Variants in GRIK5 observed in about 807,000 individuals in gnomAD.
GRIK5 encodes glutamate receptor ionotropic, kainate 5.
In GRIK5, 43 loss-of-function variants were observed where a neutral mutation model predicts 97.4. The observed-to-expected ratio is 0.44, with a 90% confidence interval of 0.35 to 0.57. The LOEUF (loss-of-function observed/expected upper bound fraction) is 0.57. Ranked by LOEUF, GRIK5 falls within the 20% of genes least tolerant of loss-of-function variation. The probability of loss-of-function intolerance (pLI) is 0.01; values close to 1 mark genes in which losing one functional copy is unlikely to be tolerated. For synonymous variants in GRIK5, 580 were observed against 583.5 expected (o/e 0.99, Z 0.09); for missense variants, 1,015 against 1,382.0 (o/e 0.73, Z 4.21).
Position 42,070,131 on chromosome 19 carries a change from G to GCCAC in GRIK5, c.-945_-942dup, listed in dbSNP as rs1421990666. Among the ~76,000 whole-genome samples, 1 of 152,008 alleles carries GCCAC rather than the reference G, an allele frequency of 6.6e-6. No individual in the cohort carries two copies. Among genetic ancestry groups the GCCAC allele is most frequent in the Non-Finnish European group, 1.5e-5 (1 of 67,970 alleles). Reference sequence around the variant, plus strand: ...GCCTGCCTCCCTGCCGCTGGCTGCCGCCACCGCTCAGTCTCCCCTCCGAGG... The same window carrying GCCAC: ...GCCTGCCTCCCTGCCGCTGGCTGCCGCCACCCACCGCTCAGTCTCCCCTCCGAGG... On this transcript the variant is annotated 5_prime_UTR_variant, in exon 1 of 20. Transcript: ENST00000593562.
intron 11 of GRIK5, among the ~76,000 whole-genome samples, chr19:42,050,092 G>C (rs1396942340): frequency 3.1e-4 from 47 of 152,100 alleles, no homozygotes; most frequent in Non-Finnish European, 5.3e-4. Context: ...ACCACGCCCA[G>C]CTAATTTTTG....
chr19:42,002,018 T>G lies in GRIK5; in HGVS notation c.2514+1314A>C. 2 of 624,632 alleles carry G rather than the reference T, an allele frequency of 3.2e-6. No homozygotes were observed. Among genetic ancestry groups the G allele is most frequent in the East Asian group, 2.7e-5 (1 of 36,478 alleles). The allele number at this position is 624,632 out of a possible 1,614,324, so 38.7% of individuals were successfully genotyped here. Reference sequence around the variant, plus strand: ...GCCTGGGAAGGAGTGACCGGAGAAGTGGGAGAAGGGGAAGAAGGGGCTTTG... The same window carrying G: ...GCCTGGGAAGGAGTGACCGGAGAAGGGGGAGAAGGGGAAGAAGGGGCTTTG... On this transcript the variant is annotated intron_variant, in intron 19 of 19. Coordinates refer to ENST00000593562, the MANE Select transcript of GRIK5 (RefSeq NM_002088.5). The surrounding 1 kb of genome is among the most constrained non-coding windows in gnomAD (Gnocchi z 5.2).
chr19:42,040,468 C>G (rs1033889611), intron 12 of GRIK5, among the ~76,000 whole-genome samples: 3 of 152,224 alleles, frequency 2.0e-5, no homozygotes, highest in Admixed American at 6.5e-5. Context: ...AAACAGGTCA[C>G]GAGGAAGCCT....
At chr19:42,056,153 T>G (rs979472843) in intron 8 of GRIK5, among the ~76,000 whole-genome samples, 2 of 151,956 alleles carry the variant, frequency 1.3e-5, no homozygotes, top group South Asian at 4.2e-4. Flanking sequence ...CCCAGCTAAT[T>G]TTTGTACTTT....
Position 42,065,503 on chromosome 19 carries a change from A to C in GRIK5, c.80-116T>G, listed in dbSNP as rs2146188077. On this transcript the variant is annotated intron_variant, in intron 2 of 19. Coordinates refer to ENST00000593562, the MANE Select transcript of GRIK5 (RefSeq NM_002088.5). This position sits in a 1 kb window ranked among gnomAD's most constrained non-coding sequence, Gnocchi z 5.8. ...GGGTATACGGACCAGGGGTCTAGAC[A>C]CCTGGATCTGAGGTTGGTGGGAGCT... 3.6e-6 allele frequency: 4 copies of C among 1,114,696 alleles called. No homozygotes were observed. The highest frequency in any genetic ancestry group is 3.8e-6 in the Non-Finnish European group (3 of 792,526). The allele number at this position is 1,114,696 out of a possible 1,614,324, so 69.1% of individuals were successfully genotyped here. A position where few individuals can be genotyped will look rare whatever the true frequency, so the allele number is the denominator to read the frequency against.
In GRIK5 at chr19:41,998,984, C is replaced by A. The variant is rs1432915592; in HGVS notation, c.2830G>T (p.Ala944Ser). Residue 944 changes from alanine to serine, a missense_variant, in exon 20 of 20, where the codon GCC becomes TCC. By Grantham distance (99) the Ala-to-Ser change is moderately conservative (BLOSUM62 1). Transcript: ENST00000593562. The stretch of plus-strand genomic sequence containing the variant: ...CGCGGAGGCGCGCCGGCCCCCGAGG[C>A]CCGCAGCGCCTGGATGCGCCGGCAC... ...QECRRIQALR[A>S]SGAGAPPRGL... 6.7e-6 allele frequency: 8 copies of A among 1,201,686 alleles called. No individual in the cohort carries two copies. The highest frequency in any genetic ancestry group is 8.3e-6 in the Non-Finnish European group (8 of 961,784). The allele number at this position is 1,201,686 out of a possible 1,614,324, so 74.4% of individuals were successfully genotyped here.
chr19:42,006,528 C>T lies in GRIK5; in HGVS notation c.2037+117G>A, dbSNP rs2075493455. On this transcript the variant is annotated intron_variant, in intron 16 of 19. Transcript: ENST00000593562. This position sits in a 1 kb window ranked among gnomAD's most constrained non-coding sequence, Gnocchi z 5.3. ...TGTGTGTTTTCTGCTCCCCAGCCTCCAGGCTGTCACTGACAATCAGTCCCT... is the reference window on the plus strand; with the variant it reads ...TGTGTGTTTTCTGCTCCCCAGCCTCTAGGCTGTCACTGACAATCAGTCCCT... 1.0e-5 allele frequency: 9 copies of T among 876,446 alleles called. No individual in the cohort carries two copies. In the East Asian group the frequency reaches 2.4e-4, roughly 23 times the overall value. The allele number at this position is 876,446 out of a possible 1,614,324, so 54.3% of individuals were successfully genotyped here.
intron 11 of GRIK5, among the ~76,000 whole-genome samples, chr19:42,049,263 C>T (rs1281454697): frequency 7.2e-5 from 11 of 152,094 alleles, no homozygotes; most frequent in African/African-American, 2.4e-4. Context: ...TTTTACAATA[C>T]GTGATAAAGC....
intron 17 of GRIK5, among the ~76,000 whole-genome samples, chr19:42,005,237 CA>C (rs56825931): frequency 6.1e-4 from 54 of 88,710 alleles, no homozygotes; most frequent in Admixed American, 1.4e-3. Context: ...GACTCCGTCT[CA>C]AAAAAAAAAA....
In GRIK5 at chr19:42,070,174, G is replaced by T. The variant is rs2076404565; in HGVS notation, c.-984C>A. ...CTCCGAGGCCGCCGCCTGCCTGCCCGCCTGCCGCCTGCGCTGGGTCCTGGA... is the reference window on the plus strand; with the variant it reads ...CTCCGAGGCCGCCGCCTGCCTGCCCTCCTGCCGCCTGCGCTGGGTCCTGGA... On this transcript the variant is annotated 5_prime_UTR_variant, in exon 1 of 20. Coordinates refer to ENST00000593562, the MANE Select transcript of GRIK5 (RefSeq NM_002088.5). Among the ~76,000 whole-genome samples, 1 of 152,034 alleles carries T rather than the reference G, an allele frequency of 6.6e-6. No homozygotes were observed. Among genetic ancestry groups the T allele is most frequent in the Non-Finnish European group, 1.5e-5 (1 of 67,972 alleles).
rs1568876459 is a variant in GRIK5, at chr19:42,002,032, G to GA, written c.2514+1299dup. 1.6e-6 allele frequency: 1 copy of GA among 639,726 alleles called. No individual in the cohort carries two copies. Among genetic ancestry groups the GA allele is most frequent in the Non-Finnish European group, 2.9e-6 (1 of 350,672 alleles). 39.6% of individuals were successfully genotyped at this position (639,726 alleles called of 1,614,324 possible). A position where few individuals can be genotyped will look rare whatever the true frequency, so the allele number is the denominator to read the frequency against. On this transcript the variant is annotated intron_variant, in intron 19 of 19. Transcript: ENST00000593562. This position sits in a 1 kb window ranked among gnomAD's most constrained non-coding sequence, Gnocchi z 5.2. ...GACCGGAGAAGTGGGAGAAGGGGAA[G>GA]AAGGGGCTTTGAGGATTGAGAGTGA...
chr19:42,059,954 G>A (rs913489067), intron 5 of GRIK5, among the ~76,000 whole-genome samples: 9 of 151,902 alleles, frequency 5.9e-5, no homozygotes, highest in Admixed American at 3.9e-4. Context: ...CCCTCACGCC[G>A]TGCCACTGTC....
intron 15 of GRIK5, among the ~76,000 whole-genome samples, chr19:42,013,511 G>A (rs947626612): frequency 6.8e-6 from 1 of 148,066 alleles, no homozygotes; most frequent in Admixed American, 6.9e-5. Flanking sequence ...CCAGGTTCGC[G>A]CCATTCTCCT....
At chr19:42,020,971 C>T (rs551889642) in intron 15 of GRIK5, among the ~76,000 whole-genome samples, 6 of 152,282 alleles carry the variant, frequency 3.9e-5, no homozygotes, top group South Asian at 4.1e-4. Context: ...CTACAACCTC[C>T]GCCTCCTGAG....
Position 42,006,075 on chromosome 19 carries a change from G to A in GRIK5, c.2038-127C>T, listed in dbSNP as rs1196526251. On this transcript the variant is annotated intron_variant, in intron 16 of 19. Coordinates refer to ENST00000593562, the MANE Select transcript of GRIK5 (RefSeq NM_002088.5). This position sits in a 1 kb window ranked among gnomAD's most constrained non-coding sequence, Gnocchi z 5.3. ...AATGCAAGGTGATCAAAGGAAGACAGAGCCAAAGGTAGAGGAGAGAGAGGA... is the reference window on the plus strand; with the variant it reads ...AATGCAAGGTGATCAAAGGAAGACAAAGCCAAAGGTAGAGGAGAGAGAGGA... 3.1e-6 allele frequency: 2 copies of A among 654,046 alleles called. No homozygotes were observed. The highest frequency in any genetic ancestry group is 1.7e-5 in the South Asian group (1 of 57,396). 40.5% of individuals were successfully genotyped at this position (654,046 alleles called of 1,614,324 possible).
intron 12 of GRIK5, among the ~76,000 whole-genome samples, chr19:42,039,168 G>A (rs139534834): frequency 6.6e-6 from 1 of 152,302 alleles, no homozygotes; most frequent in African/African-American, 2.4e-5. Context: ...ATTCACTTGA[G>A]CCAGATCAAA....
intron 15 of GRIK5, among the ~76,000 whole-genome samples, chr19:42,011,098 A>C (rs1424573254): frequency 1.3e-5 from 2 of 150,714 alleles, no homozygotes; most frequent in African/African-American, 4.9e-5. Flanking sequence ...TGAGCACCAC[A>C]CCCAGCATTT....
chr19:42,051,320 A>G (rs766426304), intron 11 of GRIK5, among the ~76,000 whole-genome samples: 1 of 151,982 alleles, frequency 6.6e-6, no homozygotes, highest in Non-Finnish European at 1.5e-5. Context: ...AAGATCCCTG[A>G]GCCTGCCCCA....
intron 12 of GRIK5, among the ~76,000 whole-genome samples, chr19:42,027,927 T>C (rs1206397016): frequency 3.9e-5 from 6 of 152,146 alleles, no homozygotes; most frequent in South Asian, 2.1e-4. Context: ...ACTCTTGGGC[T>C]CAAGCGATTC....
Sources: allele counts gnomAD v4.1 joint callset (sites outside exome capture counted in the v4.1 genomes callset), GRCh38; gene constraint gnomAD v4.1.1; non-coding constraint Gnocchi (gnomAD v3.1); transcripts MANE v1.5; gene names NCBI Gene and HGNC (gene_info 2026-07-23, HGNC 2026-07-21).